The following OSBPL9 variants were observed in gnomAD, a reference collection of about 807,000 sequenced individuals.
OSBPL9 encodes oxysterol-binding protein-related protein 9.
OSBPL9 carries 40 observed loss-of-function variants against 106.6 expected under a neutral mutation model. The ratio of observed to expected loss-of-function variants is 0.38; its 90% CI spans 0.29 to 0.49. The LOEUF is 0.49. Ranked by LOEUF, OSBPL9 falls within the 20% of genes least tolerant of loss-of-function variation. OSBPL9 has a pLI of 0.97. For missense variants in OSBPL9, 609 were observed against 887.2 expected, an observed-to-expected ratio of 0.69 and a Z score of 3.98; for synonymous variants, 269 against 295.4, an observed-to-expected ratio of 0.91 and a Z score of 0.92.
upstream of OSBPL9, among the ~76,000 whole-genome samples, chr1:51,612,855 G>A (rs981240653): frequency 3.3e-5 from 5 of 152,216 alleles, no homozygotes; most frequent in Non-Finnish European, 5.9e-5. Context: ...TTGCTGCTGG[G>A]GTGAAATGGA....
At chr1:51,618,958 C>T (rs1286938518) in intron 1 of OSBPL9, among the ~76,000 whole-genome samples, 1 of 152,174 alleles carries the variant, frequency 6.6e-6, no homozygotes, top group Non-Finnish European at 1.5e-5. Flanking sequence ...GTATTACTTT[C>T]ATCATCCTTC....
chr1:51,731,812 G>T (rs1057123436), intron 4 of OSBPL9, among the ~76,000 whole-genome samples: 1 of 150,646 alleles, frequency 6.6e-6, no homozygotes, highest in African/African-American at 2.4e-5. Flanking sequence ...GAAAAAAACA[G>T]ATTTGTAGTC....
At chr1:51,644,319 A>T (rs1486495838) in intron 1 of OSBPL9, among the ~76,000 whole-genome samples, 3 of 151,860 alleles carry the variant, frequency 2.0e-5, no homozygotes, top group African/African-American at 4.8e-5. Flanking sequence ...TTTTATACAT[A>T]TTGAGTTTTG....
At chr1:51,592,001 C>A (rs1296829103) in intron 1 of OSBPL9, among the ~76,000 whole-genome samples, 1 of 151,348 alleles carries the variant, frequency 6.6e-6, no homozygotes, top group African/African-American at 2.4e-5. Flanking sequence ...GCAGAATCAG[C>A]CCTTCTGCAC....
intron 2 of OSBPL9, among the ~76,000 whole-genome samples, chr1:51,603,232 A>C (rs1645332479): frequency 6.6e-6 from 1 of 152,266 alleles, no homozygotes; most frequent in Admixed American, 6.5e-5. Context: ...ATGAATAAGC[A>C]TAAGATAAAG....
At chr1:51,682,613 C>T (rs1466801293) in intron 3 of OSBPL9, among the ~76,000 whole-genome samples, 7 of 151,880 alleles carry the variant, frequency 4.6e-5, no homozygotes, top group African/African-American at 1.7e-4. Flanking sequence ...CAAAAATTAG[C>T]CAGGCCTGGT....
chr1:51,553,868 G>C, the OSBPL9 span, among the ~76,000 whole-genome samples: 1 of 152,140 alleles, frequency 6.6e-6, no homozygotes, highest in African/African-American at 2.4e-5. Context: ...AATAGAGACA[G>C]GGGTTTCTCC....
chr1:51,560,126 G>A, the OSBPL9 span, among the ~76,000 whole-genome samples: 4 of 152,162 alleles, frequency 2.6e-5, no homozygotes, highest in African/African-American at 4.8e-5. Context: ...AATAGAGGGC[G>A]TCTGTCCCAG....
chr1:51,772,076 T>C lies in OSBPL9; in HGVS notation c.945T>C (p.Ser315=), dbSNP rs530824697. Residue 315 remains serine (S), a synonymous_variant, in exon 13 of 24, where the codon TCT becomes TCC. Coordinates refer to ENST00000428468, the MANE Select transcript of OSBPL9 (RefSeq NM_024586.6). ...GSSPKRLIDS[S]GSASVLTHSS... Reference sequence around the variant, plus strand: ...GTAATTAATGTTTTTATAGTTCTTCTGGATCTGCCTCAGTCCTGACACACA... The same window carrying C: ...GTAATTAATGTTTTTATAGTTCTTCCGGATCTGCCTCAGTCCTGACACACA... The C allele has an allele frequency of 3.4e-5, 55 of 1,609,924 alleles. No homozygotes were observed. The South Asian group carries it at 5.9e-4, about 17-fold the overall frequency.
Position 51,706,714 on chromosome 1 carries a change from G to A in OSBPL9, c.242-7289G>A, listed in dbSNP as rs866645123. Among the ~76,000 whole-genome samples, 6 of 149,672 alleles carry A rather than the reference G, an allele frequency of 4.0e-5. 1 individual carries two copies. The Middle Eastern group carries it at 0.011, about 267-fold the overall frequency. The stretch of plus-strand genomic sequence containing the variant: ...TTATATATATATATATGCATTTAAG[G>A]CTACAAATTTCCCTTTATGCACTAC... On this transcript the variant is annotated intron_variant, in intron 3 of 23. Coordinates refer to ENST00000428468, the MANE Select transcript of OSBPL9 (RefSeq NM_024586.6).
the OSBPL9 span, among the ~76,000 whole-genome samples, chr1:51,548,308 A>G: frequency 6.6e-6 from 1 of 152,066 alleles, no homozygotes. Flanking sequence ...TGTGTTGCCC[A>G]GGTTGGTCTT....
chr1:51,625,044 A>G (rs1644688370), intron 1 of OSBPL9, among the ~76,000 whole-genome samples: 1 of 152,246 alleles, frequency 6.6e-6, no homozygotes, highest in South Asian at 2.1e-4. Flanking sequence ...AGAATATACT[A>G]ATAGCAAATA....
intron 1 of OSBPL9, among the ~76,000 whole-genome samples, chr1:51,584,677 T>C (rs1328800907): frequency 1.3e-5 from 2 of 151,974 alleles, no homozygotes; most frequent in Non-Finnish European, 2.9e-5. Flanking sequence ...GATCGCGCCA[T>C]TGCACTCCAG....
intron 2 of OSBPL9, among the ~76,000 whole-genome samples, chr1:51,606,472 G>C (rs1278754120): frequency 6.6e-6 from 1 of 152,172 alleles, no homozygotes; most frequent in Non-Finnish European, 1.5e-5. Flanking sequence ...TTAAGTTATG[G>C]GGACCTAGGT....
rs200695132 is a variant in OSBPL9, at chr1:51,747,331, TATC to T, written c.462+577_462+579del. 5.7e-3 allele frequency among the ~76,000 whole-genome samples: 870 copies of T among 152,328 alleles called. 2 individuals are homozygous for T. The highest frequency in any genetic ancestry group is 0.02 in the African/African-American group (825 of 41,576). ...AGGAGTAAGTTATTTCCTTTTCATG[TATC>T]ATATGTTGAAGGTAGAAAGTTGGTT... On this transcript the variant is annotated intron_variant, in intron 6 of 23. Coordinates refer to ENST00000428468, the MANE Select transcript of OSBPL9 (RefSeq NM_024586.6).
In OSBPL9 at chr1:51,776,921, A is replaced by T; in HGVS notation, c.1256+3A>T. On this transcript the variant is annotated splice_donor_region_variant and intron_variant, in intron 15 of 23. Transcript: ENST00000428468. ...GCACATCCGGACCTGTTTGTGAGGT[A>T]TTTGACTGAACATGGTAGTTTCCAA... 6.2e-7 allele frequency: 1 copy of T among 1,600,034 alleles called. No homozygotes were observed. Among genetic ancestry groups the T allele is most frequent in the South Asian group, 1.1e-5 (1 of 90,760 alleles).
intron 1 of OSBPL9, among the ~76,000 whole-genome samples, chr1:51,651,319 G>A (rs897913216): frequency 2.0e-5 from 3 of 151,960 alleles, no homozygotes; most frequent in African/African-American, 4.8e-5. Flanking sequence ...TTATCTGGGG[G>A]CAGCTGGGTG....
At chr1:51,571,522 T>C in the OSBPL9 span, among the ~76,000 whole-genome samples, 4 of 151,870 alleles carry the variant, frequency 2.6e-5, no homozygotes, top group Non-Finnish European at 5.9e-5. Flanking sequence ...TAAAAATTAG[T>C]TGGGGATGGT....
intron 2 of OSBPL9, among the ~76,000 whole-genome samples, chr1:51,660,236 G>T (rs2148728586): frequency 6.6e-6 from 1 of 152,166 alleles, no homozygotes; most frequent in Non-Finnish European, 1.5e-5. Context: ...AAGCATAGGT[G>T]ATATCTTTAT....
Sources: gnomAD v4.1 joint callset for allele counts (sites outside exome capture counted in the v4.1 genomes callset) on GRCh38, gnomAD v4.1.1 for gene constraint, MANE v1.5 for transcripts, NCBI Gene and HGNC (gene_info 2026-07-23, HGNC 2026-07-21) for gene names.